BTBD7: variants seen among roughly 807,000 people sequenced by gnomAD.
BTBD7 encodes the protein BTB/POZ domain-containing protein 7.
BTBD7 carries 38 observed loss-of-function variants against 99.9 expected under a neutral mutation model. The ratio of observed to expected loss-of-function variants is 0.38; its 90% CI spans 0.29 to 0.50. The LOEUF (loss-of-function observed/expected upper bound fraction) is 0.50. BTBD7 is among the 20% of genes least tolerant of loss of function. BTBD7 has a pLI of 0.93. For synonymous variants in BTBD7, 520 were observed against 511.4 expected (o/e 1.02, Z -0.23); for missense variants, 1,170 against 1,394.6 (o/e 0.84, Z 2.57).
rs1488017580 is a variant in BTBD7, at chr14:93,242,520, G to A, written c.3152C>T (p.Pro1051Leu). ...LAAPENASTG[P>L]AHVRGRTAVE... Reference sequence around the variant, plus strand: ...TGCAGTTCGTCCCCTGACATGGGCTGGACCGGTACTAGCATTTTCTGGGGC... The same window carrying A: ...TGCAGTTCGTCCCCTGACATGGGCTAGACCGGTACTAGCATTTTCTGGGGC... The change falls in exon 11 of 11, where the codon CCA (proline) becomes CTA (leucine). Residue 1051 changes from proline (P) to leucine (L), a missense_variant. By Grantham distance (98) the Pro-to-Leu change is moderately conservative (BLOSUM62 -3). Coordinates refer to ENST00000334746, the MANE Select transcript of BTBD7 (RefSeq NM_001002860.4). The A allele has an allele frequency of 6.2e-7, 1 of 1,614,096 alleles. No individual in the cohort carries two copies. The highest frequency in any genetic ancestry group is 1.3e-5 in the African/African-American group (1 of 74,936).
rs1465079440 is a variant in BTBD7 at position 93,251,540 on chromosome 14, C to A, written c.1865G>T (p.Cys622Phe). 1 of 1,613,976 alleles carries A rather than the reference C, an allele frequency of 6.2e-7. No individual in the cohort carries two copies. The highest frequency in any genetic ancestry group is 2.2e-5 in the East Asian group (1 of 44,884). Residue 622 changes from cysteine (C) to phenylalanine (F), a missense_variant, in exon 8 of 11, where the codon TGT (cysteine) becomes TTT (phenylalanine). Cys to Phe is a radical substitution (Grantham distance 205, BLOSUM62 -2). Around this residue, in one of 4 missense-constraint regions of BTBD7, gnomAD observed 309 missense variants for 342.0 expected, o/e 0.90. Transcript: ENST00000334746. ...LYMVNNAVPQ[C>F]CHMISHQQIS... ...CTGCTGGTGGCTGATCATGTGACAA[C>A]ACTGTGGCACGGCATTATTGACCAT...
intron 1 of BTBD7, among the ~76,000 whole-genome samples, chr14:93,317,910 A>T (rs2053225418): frequency 6.6e-6 from 1 of 152,204 alleles, no homozygotes; most frequent in African/African-American, 2.4e-5. Context: ...AGTCTCTTAT[A>T]AGCTTCCCTG....
rs539518805 is a variant in BTBD7, at chr14:93,319,532, A to G, written c.-107+13288T>C. 7.5e-4 allele frequency among the ~76,000 whole-genome samples: 115 copies of G among 152,346 alleles called. 2 individuals carry two copies. Among genetic ancestry groups the G allele is most frequent in the African/African-American group, 2.6e-3 (110 of 41,580 alleles). ...CCAGTCACAGAAAGACAAATACTAC[A>G]TAATTCCACTTATATGAGGTCTTTA... On this transcript the variant is annotated intron_variant, in intron 1 of 10. Transcript: ENST00000334746.
intron 1 of BTBD7, among the ~76,000 whole-genome samples, chr14:93,312,075 CCT>C (rs973509667): frequency 6.6e-6 from 1 of 152,112 alleles, no homozygotes; most frequent in Non-Finnish European, 1.5e-5. Flanking sequence ...TTTTACATTC[CCT>C]GTTTTTTTGG....
intron 1 of BTBD7, among the ~76,000 whole-genome samples, chr14:93,311,438 T>C (rs1167855099): frequency 2.0e-5 from 3 of 152,184 alleles, no homozygotes; most frequent in African/African-American, 7.2e-5. Context: ...ATCTCAGTAA[T>C]AGGGATGCTT....
At chr14:93,317,618 G>C (rs2053222612) in intron 1 of BTBD7, among the ~76,000 whole-genome samples, 1 of 152,216 alleles carries the variant, frequency 6.6e-6, no homozygotes, top group Admixed American at 6.5e-5. Context: ...AACAGCAAAA[G>C]GTACTATGCC....
At chr14:93,285,649 G>A (rs187142016) in intron 3 of BTBD7, among the ~76,000 whole-genome samples, 313 of 152,220 alleles carry the variant, frequency 2.1e-3, no homozygotes, top group African/African-American at 7.2e-3. Flanking sequence ...AATTACCAAT[G>A]AATGGTATAC....
intron 1 of BTBD7, among the ~76,000 whole-genome samples, chr14:93,303,323 G>C (rs115589218): frequency 6.6e-6 from 1 of 152,110 alleles, no homozygotes; most frequent in Non-Finnish European, 1.5e-5. Flanking sequence ...TGGACTGCTG[G>C]TCAGGCATGG....
rs1169741140 is a variant in BTBD7, at chr14:93,248,495, G to A, written c.2102C>T (p.Ala701Val). 6.2e-7 allele frequency: 1 copy of A among 1,613,972 alleles called. No homozygotes were observed. ...TCCTACCTGCAACAGCTCTGCAGCA[G>A]CATCTGCAAGACCAAACTCTCTTAG... ...RVLREFGLAD[A>V]AAELLQNPHK... The change falls in exon 9 of 11, where the codon GCT becomes GTT. Residue 701 changes from alanine (A) to valine (V), a missense_variant. Ala to Val is a moderately conservative substitution (Grantham distance 64). This residue lies in a region of BTBD7 where 7 missense variants were observed against 28.9 expected (regional missense o/e 0.24). Coordinates refer to ENST00000334746, the MANE Select transcript of BTBD7 (RefSeq NM_001002860.4).
chr14:93,246,867 AAGG>A (rs1427678732), intron 9 of BTBD7, among the ~76,000 whole-genome samples: 1 of 108,734 alleles, frequency 9.2e-6, no homozygotes, highest in Non-Finnish European at 1.9e-5. Flanking sequence ...TATATATTTT[AAGG>A]AGAAAAACTG....
intron 3 of BTBD7, among the ~76,000 whole-genome samples, chr14:93,289,813 A>C (rs1016836543): frequency 6.8e-6 from 1 of 147,978 alleles, no homozygotes; most frequent in East Asian, 2.0e-4. Flanking sequence ...GATATAAAAC[A>C]CATTCTCTGT....
At chr14:93,295,839 G>T (rs1180562338) in intron 2 of BTBD7, 131 bp downstream of exon 2, 1 of 818,198 alleles carries the variant, frequency 1.2e-6, no homozygotes, top group Non-Finnish European at 1.9e-6. Flanking sequence ...TTTGTTGGGG[G>T]AAAAAACCTA....
At chr14:93,315,461 G>A (rs1231916479) in intron 1 of BTBD7, among the ~76,000 whole-genome samples, 2 of 152,158 alleles carry the variant, frequency 1.3e-5, no homozygotes, top group African/African-American at 4.8e-5. Flanking sequence ...AGAACGTTGT[G>A]CTTAACTGAC....
At chr14:93,320,759 G>GT (rs759715245) in intron 1 of BTBD7, among the ~76,000 whole-genome samples, 76 of 150,824 alleles carry the variant, frequency 5.0e-4, no homozygotes, top group Admixed American at 9.9e-4. Context: ...TTTTTTTGAG[G>GT]TAACAGTCAA....
At position 93,319,586 on chromosome 14, in the gene BTBD7, AAGTG is replaced by A. The variant is rs1182474011; in HGVS notation, c.-107+13230_-107+13233del. 3.9e-5 allele frequency among the ~76,000 whole-genome samples: 6 copies of A among 152,334 alleles called. No homozygotes were observed. In the East Asian group the frequency reaches 1.2e-3, roughly 29 times the overall value. ...AGGCCTGGTCATTACCCAGAATGATAAGTGAGTATCTAAAATAATCAAATTCATA... is the reference window on the plus strand; with the variant it reads ...AGGCCTGGTCATTACCCAGAATGATAAGTATCTAAAATAATCAAATTCATA... On this transcript the variant is annotated intron_variant, in intron 1 of 10. Coordinates refer to ENST00000334746, the MANE Select transcript of BTBD7 (RefSeq NM_001002860.4).
Position 93,244,855 on chromosome 14 carries a change from CTTTTTTTTTT to C in BTBD7, c.2583+960_2583+969del, listed in dbSNP as rs58775665. ...ATGAAGACTTACAAATCTTACAAAT[CTTTTTTTTTT>C]TTTTTTTTTTTGAGACAGTCTCCCT... On this transcript the variant is annotated intron_variant, in intron 10 of 10. Coordinates refer to ENST00000334746, the MANE Select transcript of BTBD7 (RefSeq NM_001002860.4). 2.8e-5 allele frequency among the ~76,000 whole-genome samples: 3 copies of C among 107,472 alleles called. No individual in the cohort carries two copies. In the East Asian group the frequency reaches 8.3e-4, roughly 30 times the overall value. The allele number at this position is 107,472 out of a possible 152,430, so 70.5% of individuals were successfully genotyped here.
chr14:93,291,344 A>G (rs1002398037), intron 3 of BTBD7, among the ~76,000 whole-genome samples: 1 of 152,134 alleles, frequency 6.6e-6, no homozygotes, highest in Non-Finnish European at 1.5e-5. Flanking sequence ...CAAATGAGAA[A>G]AGAGGGGCTT....
intron 3 of BTBD7, among the ~76,000 whole-genome samples, chr14:93,281,014 T>C (rs891987262): frequency 6.6e-6 from 1 of 152,140 alleles, no homozygotes; most frequent in African/African-American, 2.4e-5. Context: ...TGTTTTGTTC[T>C]GTTTTTGAGA....
intron 2 of BTBD7, among the ~76,000 whole-genome samples, chr14:93,295,405 C>G (rs548253023): frequency 6.6e-6 from 1 of 152,166 alleles, no homozygotes; most frequent in Admixed American, 6.5e-5. Context: ...GCTGGGATTA[C>G]AGGTGTGAGC....
Sources: allele counts gnomAD v4.1 joint callset (sites outside exome capture counted in the v4.1 genomes callset), GRCh38; gene constraint gnomAD v4.1.1; regional missense constraint gnomAD v4.1.1; transcripts MANE v1.5; gene names NCBI Gene and HGNC (gene_info 2026-07-23, HGNC 2026-07-21).